DHX8: variants seen among roughly 807,000 people sequenced by gnomAD.
The protein encoded by DHX8 is DEAH-box helicase 8.
A neutral mutation model predicts 140.7 loss-of-function variants in DHX8; 67 were observed. The observed-to-expected ratio is 0.48, with a 90% CI of 0.39 to 0.58. The LOEUF is 0.58. DHX8 is among the 20% of genes least tolerant of loss of function. DHX8 has a pLI of 0.00. For synonymous variants in DHX8, 533 were observed against 553.2 expected (o/e 0.96, Z 0.51); for missense variants, 887 against 1,550.7 (o/e 0.57, Z 7.19).
At position 43,490,436 on chromosome 17, in the gene DHX8, C is replaced by T; in HGVS notation, c.280C>T (p.Pro94Ser). The T allele has an allele frequency of 6.2e-7, 1 of 1,613,824 alleles. No homozygotes were observed. The highest frequency in any genetic ancestry group is 1.1e-5 in the South Asian group (1 of 91,012). Residue 94 changes from proline (P) to serine (S), a missense_variant, in exon 3 of 23, where the codon CCT becomes TCT. This residue lies in a region of DHX8 where 304 missense variants were observed against 306.9 expected (regional missense o/e 0.99). Coordinates refer to ENST00000262415, the MANE Select transcript of DHX8 (RefSeq NM_004941.3). Reference protein sequence around the residue: ...NLLRLIQTMRPPAKPSTSKDP... With the variant: ...NLLRLIQTMRSPAKPSTSKDP... Reference sequence around the variant, plus strand: ...GCTGCGTCTCATACAAACCATGCGGCCTCCAGCGAAGCCTTCCACTAGCAA... The same window carrying T: ...GCTGCGTCTCATACAAACCATGCGGTCTCCAGCGAAGCCTTCCACTAGCAA...
chr17:43,496,889 T>C (rs941095657), intron 9 of DHX8, among the ~76,000 whole-genome samples: 5 of 152,190 alleles, frequency 3.3e-5, no homozygotes, highest in African/African-American at 1.2e-4. Context: ...CTAGATTACC[T>C]CTGAGTTGCC....
chr17:43,483,987 G>C lies in DHX8; in HGVS notation c.-51G>C, dbSNP rs1967953583. ...AAGTGAAAGCTGGAACCCGGCCGGA[G>C]TAGCTCTGAGCGCCGGCTGTGAGGA... On this transcript the variant is annotated 5_prime_UTR_variant, in exon 1 of 23. Transcript: ENST00000262415. The C allele has an allele frequency of 6.2e-7, 1 of 1,607,966 alleles. No individual in the cohort carries two copies. The highest frequency in any genetic ancestry group is 1.1e-5 in the South Asian group (1 of 90,594).
downstream of DHX8, chr17:43,526,818 C>T: frequency 7.2e-6 from 5 of 698,580 alleles, no homozygotes; most frequent in Non-Finnish European, 8.5e-6. Context: ...GTTTCTTGCA[C>T]TAAATTATGT....
chr17:43,521,946 A>T, intron 21 of DHX8, 101 bp from the exon 22 acceptor site: 6 of 1,273,094 alleles, frequency 4.7e-6, no homozygotes, highest in Non-Finnish European at 6.7e-6. Context: ...GGTCCTGGTG[A>T]CTACTCTGGG....
In DHX8 at chr17:43,517,227, T is replaced by C; in HGVS notation, c.2704T>C (p.Leu902=). ...AACAGGCCCAGGGAAGTGTTACAGG[T>C]TGTACACAGAACGTGCCTACCGAGA... The part of the protein sequence containing the change: ...GRTGPGKCYR[L]YTERAYRDEM... The change falls in exon 18 of 23, where the codon TTG becomes CTG. Residue 902 remains leucine, a synonymous_variant. Coordinates refer to ENST00000262415, the MANE Select transcript of DHX8 (RefSeq NM_004941.3). The C allele has an allele frequency of 1.2e-6, 2 of 1,613,696 alleles. No individual in the cohort carries two copies. Among genetic ancestry groups the C allele is most frequent in the Non-Finnish European group, 1.7e-6 (2 of 1,179,884 alleles).
At chr17:43,518,665 A>G (rs914347195) in intron 18 of DHX8, 1 of 152,204 alleles carries the variant, frequency 6.6e-6, no homozygotes, top group African/African-American at 2.4e-5. Context: ...AATACATTCA[A>G]GATGTTGTAC....
intron 22 of DHX8, among the ~76,000 whole-genome samples, chr17:43,522,760 AAAAAAAAAC>A (rs1013841440): frequency 1.4e-5 from 2 of 146,524 alleles, no homozygotes; most frequent in Non-Finnish European, 3.0e-5. Context: ...AAAAAAAAAA[AAAAAAAAAC>A]CAACTACCTA....
At chr17:43,490,495 T>A in intron 3 of DHX8, 32 bp downstream of exon 3, 2 of 1,551,162 alleles carry the variant, frequency 1.3e-6, no homozygotes, top group Non-Finnish European at 1.8e-6. Context: ...GCTTAGCTTC[T>A]AGAATGGTGT....
At chr17:43,508,588 T>C (rs1193831059) in intron 16 of DHX8, 68 bp downstream of exon 16, 3 of 1,111,212 alleles carry the variant, frequency 2.7e-6, no homozygotes, top group African/African-American at 1.6e-5. Context: ...CTGTCAGCCA[T>C]AGTAGGGATT....
At chr17:43,513,947 A>T (rs1421419827) in intron 17 of DHX8, among the ~76,000 whole-genome samples, 1 of 151,992 alleles carries the variant, frequency 6.6e-6, no homozygotes, top group African/African-American at 2.4e-5. Flanking sequence ...TCGCAACCTC[A>T]GATGATCCAC....
At chr17:43,532,796 T>C (rs772586403) in intron 2 of DHX8, 1 of 1,613,860 alleles carries the variant, frequency 6.2e-7, no homozygotes, top group South Asian at 1.1e-5. Flanking sequence ...CAGGGGATCA[T>C]GGTATTCTTG....
At position 43,483,983 on chromosome 17, in the gene DHX8, C is replaced by T; in HGVS notation, c.-55C>T. On this transcript the variant is annotated 5_prime_UTR_variant, in exon 1 of 23. Coordinates refer to ENST00000262415, the MANE Select transcript of DHX8 (RefSeq NM_004941.3). ...CCGGAAGTGAAAGCTGGAACCCGGC[C>T]GGAGTAGCTCTGAGCGCCGGCTGTG... 2.5e-6 allele frequency: 4 copies of T among 1,593,070 alleles called. No individual in the cohort carries two copies. The highest frequency in any genetic ancestry group is 3.4e-6 in the Non-Finnish European group (4 of 1,169,522).
At chr17:43,530,545 A>T (rs566037821), downstream of DHX8, 12 of 743,618 alleles carry the variant, frequency 1.6e-5, no homozygotes, top group East Asian at 5.3e-4. Flanking sequence ...CACGCCTAAG[A>T]CTCCCTCAGA....
At chr17:43,529,380 GGCAAGAATTCAGGTTAGGTAAA>G (rs1280943743), downstream of DHX8, 1 of 1,414,380 alleles carries the variant, frequency 7.1e-7, no homozygotes, top group African/African-American at 1.4e-5. Flanking sequence ...ACTTAGGCTT[GGCAAGAATTCAGGTTAGGTAAA>G]GCAAGAATCA....
At chr17:43,543,788 T>A (rs55955027) in intron 3 of DHX8, 38,993 of 152,154 alleles carry the variant, frequency 0.26, 5,632 homozygotes, top group East Asian at 0.32. Flanking sequence ...TCAGCCATTA[T>A]TTCCACAAAA....
Position 43,484,012 on chromosome 17 carries a change from A to G in DHX8, c.-26A>G. On this transcript the variant is annotated 5_prime_UTR_variant, in exon 1 of 23. Transcript: ENST00000262415. ...GTAGCTCTGAGCGCCGGCTGTGAGG[A>G]AGGAGGTTCTGGGCAAGCTATAGCC... is the stretch of plus-strand genomic sequence containing the variant. The G allele has an allele frequency of 1.2e-6, 2 of 1,613,068 alleles. No individual in the cohort carries two copies. Among genetic ancestry groups the G allele is most frequent in the South Asian group, 1.1e-5 (1 of 91,004 alleles).
chr17:43,511,748 A>G (rs1405825813), intron 16 of DHX8, among the ~76,000 whole-genome samples: 3 of 148,506 alleles, frequency 2.0e-5, no homozygotes, highest in African/African-American at 5.0e-5. Context: ...ATGAGCCACC[A>G]CGCCTGGCAG....
chr17:43,529,971 G>A, downstream of DHX8: 11 of 1,614,110 alleles, frequency 6.8e-6, no homozygotes, highest in Non-Finnish European at 9.3e-6. Context: ...GGAAATTGGG[G>A]GTTGCTCAGA....
chr17:43,496,003 T>G (rs557539880), intron 8 of DHX8, among the ~76,000 whole-genome samples, 178 bp from the exon 9 acceptor site: 42 of 151,836 alleles, frequency 2.8e-4, no homozygotes, highest in Admixed American at 5.9e-4. Flanking sequence ...GAGGCTGAGG[T>G]AGGAGGATTG....
Sources: gnomAD v4.1 joint callset for allele counts (sites outside exome capture counted in the v4.1 genomes callset) on GRCh38, gnomAD v4.1.1 for gene constraint, gnomAD v4.1.1 regional missense constraint, MANE v1.5 for transcripts, NCBI Gene and HGNC (gene_info 2026-07-23, HGNC 2026-07-21) for gene names.